The following COL4A5 variants were observed in gnomAD, a reference collection of about 807,000 sequenced individuals.
COL4A5 encodes the protein collagen alpha-5(IV) chain.
In COL4A5, 26 loss-of-function variants were observed where a neutral mutation model predicts 130.2. The observed-to-expected ratio is 0.20, with a 90% confidence interval of 0.15 to 0.28. The LOEUF is 0.28. Among genes scored for constraint, COL4A5 ranks in the 10% least tolerant of loss-of-function variants. The probability of loss-of-function intolerance (pLI) is 1.00; values close to 1 mark genes in which losing one functional copy is unlikely to be tolerated. For synonymous variants in COL4A5, 496 were observed against 439.6 expected, an observed-to-expected ratio of 1.13 and a Z score of -1.60; for missense variants, 1,131 against 1,344.3, an observed-to-expected ratio of 0.84 and a Z score of 2.48.
At chrX:108,690,945 A>T (rs2068631011) in intron 49 of COL4A5, among the ~76,000 whole-genome samples, 2 of 112,044 alleles carry the variant, frequency 1.8e-5, no homozygotes, top group South Asian at 7.4e-4. Flanking sequence ...GATAAAGAAG[A>T]TGTGGTATAT....
intron 2 of COL4A5, among the ~76,000 whole-genome samples, chrX:108,547,745 G>A (rs925518120): frequency 1.8e-5 from 2 of 111,757 alleles, no homozygotes; most frequent in Admixed American, 9.4e-5. Flanking sequence ...TTTGAGGTGC[G>A]GTGGGCTCCA....
chrX:108,453,154 C>G (rs2064544366), intron 1 of COL4A5, among the ~76,000 whole-genome samples: 1 of 111,281 alleles, frequency 9.0e-6, no homozygotes, highest in Non-Finnish European at 1.9e-5. Context: ...ATTGAACCAG[C>G]CCTGCATCCC....
At chrX:108,503,333 G>A (rs909280737) in intron 1 of COL4A5, among the ~76,000 whole-genome samples, 10 of 111,733 alleles carry the variant, frequency 8.9e-5, no homozygotes, top group Admixed American at 4.8e-4. Context: ...AGCATTCCTC[G>A]TAAGAACTTG....
Position 108,687,512 on chromosome X carries a change from C to G in COL4A5, c.4346C>G (p.Pro1449Arg). The G allele has an allele frequency of 1.7e-6, 2 of 1,211,544 alleles. No individual in the cohort carries two copies. The highest frequency in any genetic ancestry group is 2.2e-6 in the Non-Finnish European group (2 of 895,372). Reference protein sequence around the residue: ...GTRGLDGPPGPDGLQGPPGPP... With the variant: ...GTRGLDGPPGRDGLQGPPGPP... ...CGTGGTTTGGATGGTCCCCCTGGTC[C>G]AGATGGATTGCAAGGTCCCCCAGGT... is the stretch of plus-strand genomic sequence containing the variant. The change falls in exon 49 of 53, where the codon CCA (proline) becomes CGA (arginine). Residue 1449 changes from proline (P) to arginine (R), a missense_variant. Transcript: ENST00000328300.
intron 1 of COL4A5, among the ~76,000 whole-genome samples, chrX:108,477,036 T>C (rs2064839756): frequency 8.9e-6 from 1 of 111,788 alleles, no homozygotes; most frequent in African/African-American, 3.3e-5. Context: ...GGCCCATCTC[T>C]CATTTTCATG....
chrX:108,506,536 C>A (rs1308884946), intron 1 of COL4A5, among the ~76,000 whole-genome samples: 1 of 111,164 alleles, frequency 9.0e-6, no homozygotes, highest in Non-Finnish European at 1.9e-5. Flanking sequence ...GCATTGGATT[C>A]TCATAAGGAG....
intron 2 of COL4A5, among the ~76,000 whole-genome samples, chrX:108,558,456 G>A (rs1480192366): frequency 9.0e-6 from 1 of 110,830 alleles, no homozygotes; most frequent in Non-Finnish European, 1.9e-5. Context: ...CTGGTAGATA[G>A]GCAGTCTTCC....
At chrX:108,619,804 C>A (rs376887275) in intron 30 of COL4A5, among the ~76,000 whole-genome samples, 5 of 111,802 alleles carry the variant, frequency 4.5e-5, no homozygotes, top group East Asian at 5.6e-4. Flanking sequence ...GTTCAATAGA[C>A]CAGTGTCAAA....
Position 108,578,082 on chromosome X carries a change from A to T in COL4A5, c.650A>T (p.Asn217Ile). 1.7e-6 allele frequency: 2 copies of T among 1,210,430 alleles called. No homozygotes were observed. The highest frequency in any genetic ancestry group is 2.2e-6 in the Non-Finnish European group (2 of 894,539). ...AATGGAAACTTCTCTCTCCAGGGGA[A>T]TATGGGCTTAAATTTCCAGGGACCC... ...GPPGLPGPKG[N>I]MGLNFQGPKG... is the part of the protein sequence containing the mutation. The change falls in exon 12 of 53, where the codon AAT becomes ATT. Residue 217 changes from asparagine (N) to isoleucine (I), a missense_variant. Asn to Ile is a moderately radical substitution (Grantham distance 149). Transcript: ENST00000328300.
chrX:108,451,356 AC>A (rs1482748035), intron 1 of COL4A5, among the ~76,000 whole-genome samples: 1 of 111,218 alleles, frequency 9.0e-6, no homozygotes, highest in Non-Finnish European at 1.9e-5. Flanking sequence ...TTGGGTATAT[AC>A]CCAGTAATGG....
chrX:108,598,588 T>TA, intron 24 of COL4A5, 114 bp from the exon 25 acceptor site: 1 of 689,288 alleles, frequency 1.5e-6, no homozygotes, highest in Non-Finnish European at 2.3e-6. Context: ...CTCACTTATA[T>TA]AGCTTTTAAG....
At chrX:108,575,606 G>T (rs959011105) in intron 9 of COL4A5, among the ~76,000 whole-genome samples, 2 of 111,911 alleles carry the variant, frequency 1.8e-5, no homozygotes, top group African/African-American at 6.5e-5. Flanking sequence ...CTGTAATCCT[G>T]GCACTTTGGG....
chrX:108,503,532 T>G (rs2065099228), intron 1 of COL4A5, among the ~76,000 whole-genome samples: 1 of 111,878 alleles, frequency 8.9e-6, no homozygotes, highest in Non-Finnish European at 1.9e-5. Flanking sequence ...TCCAAAAGCC[T>G]TCTAGGCTTG....
chrX:108,585,326 G>A (rs1330472269), intron 18 of COL4A5, among the ~76,000 whole-genome samples: 1 of 111,548 alleles, frequency 9.0e-6, no homozygotes, highest in African/African-American at 3.2e-5. Flanking sequence ...TTAATACTTA[G>A]GACTGTACTA....
chrX:108,658,626 G>T (rs2067892653), intron 37 of COL4A5, among the ~76,000 whole-genome samples: 1 of 111,180 alleles, frequency 9.0e-6, no homozygotes. Flanking sequence ...TTTTATGTCA[G>T]TTTAAATACA....
chrX:108,575,471 T>C (rs1279654076), intron 9 of COL4A5, among the ~76,000 whole-genome samples: 1 of 112,782 alleles, frequency 8.9e-6, no homozygotes, highest in East Asian at 2.8e-4. Context: ...TCACTTATAA[T>C]ATTGCTGAAT....
chrX:108,474,735 C>A (rs1285269089), intron 1 of COL4A5, among the ~76,000 whole-genome samples: 1 of 111,755 alleles, frequency 8.9e-6, no homozygotes, highest in Non-Finnish European at 1.9e-5. Context: ...TTTATAGTTT[C>A]AGATCTTACA....
intron 50 of COL4A5, chrX:108,694,386 G>A (rs770069478): frequency 2.3e-5 from 4 of 174,600 alleles, no homozygotes; most frequent in Non-Finnish European, 3.2e-5. Flanking sequence ...GAAAGCGTCC[G>A]TTTCTTATAT....
chrX:108,529,808 G>A (rs1009396302), intron 1 of COL4A5, among the ~76,000 whole-genome samples: 11 of 109,567 alleles, frequency 1.0e-4, no homozygotes, highest in Non-Finnish European at 1.7e-4. Context: ...AAAAAAAAAA[G>A]GCAGAGAAGG....
Sources: allele counts gnomAD v4.1 joint callset (sites outside exome capture counted in the v4.1 genomes callset), GRCh38; gene constraint gnomAD v4.1.1; transcripts MANE v1.5; gene names NCBI Gene and HGNC (gene_info 2026-07-23, HGNC 2026-07-21).